The following LGR5 variants were observed in gnomAD, a reference collection of about 807,000 sequenced individuals.
LGR5 encodes the protein leucine rich repeat containing G protein-coupled receptor 5.
A neutral mutation model predicts 76.7 loss-of-function variants in LGR5; 54 were observed. The observed-to-expected ratio is 0.70, with a 90% CI of 0.57 to 0.88. LGR5 has a LOEUF of 0.88. Ranked by LOEUF, LGR5 falls within the 40% of genes least tolerant of loss-of-function variation. The pLI is 0.00. For synonymous variants in LGR5, 406 were observed against 421.9 expected, an observed-to-expected ratio of 0.96 and a Z score of 0.46; for missense variants, 1,078 against 1,073.3, an observed-to-expected ratio of 1.00 and a Z score of -0.06.
intron 2 of LGR5, among the ~76,000 whole-genome samples, chr12:71,506,493 A>C (rs1874866400): frequency 6.6e-6 from 1 of 152,200 alleles, no homozygotes; most frequent in Non-Finnish European, 1.5e-5. Flanking sequence ...AAAAAAAATC[A>C]CAAAAAAAGC....
In LGR5 at chr12:71,584,855, ATC is replaced by A; in HGVS notation, c.*126_*127del. ...AACTCGGTTTAAAAACCAAAAAAGAATCTCTCAGTTAGTAAGAAAAGGCTGAA... is the reference window on the plus strand; with the variant it reads ...AACTCGGTTTAAAAACCAAAAAAGAATCTCAGTTAGTAAGAAAAGGCTGAA... On this transcript the variant is annotated 3_prime_UTR_variant, in exon 18 of 18. Coordinates refer to ENST00000266674, the MANE Select transcript of LGR5 (RefSeq NM_003667.4). 1 of 996,566 alleles carries A rather than the reference ATC, an allele frequency of 1.0e-6. No homozygotes were observed. The highest frequency in any genetic ancestry group is 1.5e-6 in the Non-Finnish European group (1 of 677,580). The allele number at this position is 996,566 out of a possible 1,614,324, so 61.7% of individuals were successfully genotyped here.
intron 4 of LGR5, among the ~76,000 whole-genome samples, chr12:71,546,194 A>T (rs1877151280): frequency 6.7e-6 from 1 of 150,118 alleles, no homozygotes; most frequent in African/African-American, 2.5e-5. Flanking sequence ...ATGCACCTAT[A>T]ATACCAGCTA....
intron 1 of LGR5, among the ~76,000 whole-genome samples, chr12:71,473,234 A>G (rs963349109): frequency 2.6e-5 from 4 of 152,214 alleles, no homozygotes; most frequent in Non-Finnish European, 4.4e-5. Flanking sequence ...AACAATCAAC[A>G]TTCATAGAAA....
intron 12 of LGR5, among the ~76,000 whole-genome samples, chr12:71,572,388 G>C (rs374119082): frequency 2.0e-5 from 3 of 152,114 alleles, no homozygotes; most frequent in Non-Finnish European, 4.4e-5. Context: ...GGCCAAACTT[G>C]TTGTTTTATA....
chr12:71,553,265 A>G lies in LGR5; in HGVS notation c.621A>G (p.Gly207=). 1 of 1,613,932 alleles carries G rather than the reference A, an allele frequency of 6.2e-7. No individual in the cohort carries two copies. Among genetic ancestry groups the G allele is most frequent in the Non-Finnish European group, 8.5e-7 (1 of 1,179,940 alleles). The change falls in exon 5 of 18, where the codon GGA becomes GGG. Residue 207 remains glycine (G), a synonymous_variant. Transcript: ENST00000266674. ...KIHHIPDYAF[G]NLSSLVVLHL... The stretch of plus-strand genomic sequence containing the variant: ...ACCACATACCAGACTATGCCTTTGG[A>G]AACCTCTCCAGCTTGGTAGTTCTGT...
At chr12:71,544,604 A>T (rs1223539059) in intron 4 of LGR5, among the ~76,000 whole-genome samples, 3 of 151,142 alleles carry the variant, frequency 2.0e-5, no homozygotes, top group Non-Finnish European at 4.4e-5. Flanking sequence ...AATATAAATC[A>T]ATATGGATTC....
chr12:71,444,541 A>G (rs149699784), intron 1 of LGR5, among the ~76,000 whole-genome samples: 3 of 152,276 alleles, frequency 2.0e-5, no homozygotes, highest in East Asian at 1.9e-4. Context: ...ATTTTTACAT[A>G]TAATAAACAT....
chr12:71,495,079 G>GC, intron 1 of LGR5, among the ~76,000 whole-genome samples: 1 of 141,040 alleles, frequency 7.1e-6, no homozygotes, highest in South Asian at 2.2e-4. Context: ...GGGCGTAGTC[G>GC]GGGGGGGTCT....
At chr12:71,493,514 G>A (rs1874171518) in intron 1 of LGR5, among the ~76,000 whole-genome samples, 1 of 151,146 alleles carries the variant, frequency 6.6e-6, no homozygotes, top group African/African-American at 2.5e-5. Flanking sequence ...TATTCTGAGG[G>A]CCTAACTTTA....
intron 2 of LGR5, among the ~76,000 whole-genome samples, chr12:71,517,273 C>T (rs1286242661): frequency 1.3e-5 from 2 of 152,298 alleles, no homozygotes; most frequent in Admixed American, 6.5e-5. Flanking sequence ...ACAGATCTGC[C>T]ACTAGCCCAG....
chr12:71,484,504 C>A (rs1236672488), intron 1 of LGR5, among the ~76,000 whole-genome samples: 1 of 152,200 alleles, frequency 6.6e-6, no homozygotes, highest in African/African-American at 2.4e-5. Context: ...CCGAAACAAA[C>A]ACCAAGAGCG....
intron 3 of LGR5, among the ~76,000 whole-genome samples, chr12:71,532,840 G>C (rs1016494831): frequency 2.6e-5 from 4 of 151,690 alleles, no homozygotes; most frequent in Admixed American, 1.3e-4. Flanking sequence ...TCCAGAGTAG[G>C]TAGGACTATA....
chr12:71,584,910 A>G lies in LGR5; in HGVS notation c.*176A>G. On this transcript the variant is annotated 3_prime_UTR_variant, in exon 18 of 18. Coordinates refer to ENST00000266674, the MANE Select transcript of LGR5 (RefSeq NM_003667.4). ...CCTCTTGATACTTGAGAGTGAATAT[A>G]AGTCTAAATGCTGCTTTGTATAATT... is the stretch of plus-strand genomic sequence containing the variant. 1.6e-6 allele frequency: 1 copy of G among 621,254 alleles called. No individual in the cohort carries two copies. The highest frequency in any genetic ancestry group is 4.3e-4 in the Middle Eastern group (1 of 2,306). The allele number at this position is 621,254 out of a possible 1,614,324, so 38.5% of individuals were successfully genotyped here. A position where few individuals can be genotyped will look rare whatever the true frequency, so the allele number is the denominator to read the frequency against.
chr12:71,492,079 T>A (rs1341316324), intron 1 of LGR5, among the ~76,000 whole-genome samples: 1 of 152,002 alleles, frequency 6.6e-6, no homozygotes, highest in Non-Finnish European at 1.5e-5. Context: ...AATGGTCTAG[T>A]TGGATATTTA....
At chr12:71,538,836 C>T (rs777545938) in intron 4 of LGR5, among the ~76,000 whole-genome samples, 1 of 151,714 alleles carries the variant, frequency 6.6e-6, no homozygotes, top group Non-Finnish European at 1.5e-5. Flanking sequence ...CCAGCCCGGG[C>T]AATAGAGCAA....
chr12:71,492,859 C>A (rs1874136063), intron 1 of LGR5, among the ~76,000 whole-genome samples: 1 of 149,354 alleles, frequency 6.7e-6, no homozygotes, highest in Admixed American at 6.6e-5. Context: ...ACATAGAAGC[C>A]TTTGATATTT....
chr12:71,446,686 A>T (rs1872010192), intron 1 of LGR5, among the ~76,000 whole-genome samples: 1 of 152,248 alleles, frequency 6.6e-6, no homozygotes, highest in Non-Finnish European at 1.5e-5. Context: ...ATTGGTGCTG[A>T]AATGTTTTGG....
Position 71,578,833 on chromosome 12 carries a change from T to C in LGR5, c.1310T>C (p.Phe437Ser), listed in dbSNP as rs1878972369. The change falls in exon 15 of 18, where the codon TTT (phenylalanine) becomes TCT (serine). Residue 437 changes from phenylalanine to serine, a missense_variant. Coordinates refer to ENST00000266674, the MANE Select transcript of LGR5 (RefSeq NM_003667.4). ...CTATCGTCCAACCTCCTGTCGTCTT[T>C]TCCTATAACTGGGTTACATGGTTTA... is the stretch of plus-strand genomic sequence containing the variant. ...LDLSSNLLSS[F>S]PITGLHGLTH... The C allele has an allele frequency of 6.2e-7, 1 of 1,610,608 alleles. No individual in the cohort carries two copies. The highest frequency in any genetic ancestry group is 1.1e-5 in the South Asian group (1 of 90,430).
chr12:71,524,661 A>G (rs1565719432), intron 3 of LGR5, among the ~76,000 whole-genome samples, 184 bp downstream of exon 3: 1 of 152,198 alleles, frequency 6.6e-6, no homozygotes, highest in Non-Finnish European at 1.5e-5. Context: ...GTATGTGAAA[A>G]AAAATTCATC....
Sources: gnomAD v4.1 joint callset for allele counts (sites outside exome capture counted in the v4.1 genomes callset) on GRCh38, gnomAD v4.1.1 for gene constraint, MANE v1.5 for transcripts, NCBI Gene and HGNC (gene_info 2026-07-23, HGNC 2026-07-21) for gene names.